Variants in SLC10A7 observed in about 807,000 individuals in gnomAD.
The protein encoded by SLC10A7 is solute carrier family 10 member 7.
Under a neutral mutation model 43.2 loss-of-function variants are expected in SLC10A7, and 29 were observed. The observed-to-expected ratio is 0.67, with a 90% confidence interval of 0.50 to 0.92. The LOEUF is 0.92. SLC10A7 is among the 40% of genes least tolerant of loss of function. The probability of loss-of-function intolerance (pLI) is 0.00; values close to 1 mark genes in which losing one functional copy is unlikely to be tolerated. For synonymous variants in SLC10A7, 152 were observed against 144.8 expected (o/e 1.05, Z -0.35); for missense variants, 295 against 403.2 (o/e 0.73, Z 2.30).
At chr4:146,299,614 A>G (rs1371089980) in intron 7 of SLC10A7, among the ~76,000 whole-genome samples, 1 of 152,140 alleles carries the variant, frequency 6.6e-6, no homozygotes, top group African/African-American at 2.4e-5. Flanking sequence ...CATGTTTGAG[A>G]AACAGAAGCA....
chr4:146,519,737 T>C (rs1284340481), intron 1 of SLC10A7, among the ~76,000 whole-genome samples: 2 of 152,190 alleles, frequency 1.3e-5, no homozygotes, highest in African/African-American at 2.4e-5. Flanking sequence ...TGGTCTCCAA[T>C]AGTTCCTCTT....
At chr4:146,410,551 A>T (rs1430406385) in intron 5 of SLC10A7, among the ~76,000 whole-genome samples, 2 of 152,148 alleles carry the variant, frequency 1.3e-5, no homozygotes, top group Admixed American at 1.3e-4. Context: ...TATTATTATT[A>T]TCCTCATTTT....
chr4:146,284,401 C>T (rs1195375172), intron 9 of SLC10A7, among the ~76,000 whole-genome samples: 4 of 152,142 alleles, frequency 2.6e-5, no homozygotes, highest in Non-Finnish European at 4.4e-5. Flanking sequence ...GATCCCACAT[C>T]CTGTTTTTCT....
rs71640636 is a variant in SLC10A7, at chr4:146,326,917, GACACACACACACAC to G, written c.436-935_436-922del. 5.3e-3 allele frequency among the ~76,000 whole-genome samples: 775 copies of G among 147,516 alleles called. 11 individuals carry two copies. The highest frequency in any genetic ancestry group is 0.02 in the East Asian group (100 of 5,028). ...GCCTAAGACAGAAAAGAGAGGGACA[GACACACACACACAC>G]ACACACACACACACACACACACACA... On this transcript the variant is annotated intron_variant, in intron 5 of 11. Coordinates refer to ENST00000335472, the MANE Select transcript of SLC10A7 (RefSeq NM_001029998.6).
chr4:146,388,585 C>T (rs1738175413), intron 5 of SLC10A7, among the ~76,000 whole-genome samples: 1 of 151,900 alleles, frequency 6.6e-6, no homozygotes, highest in African/African-American at 2.4e-5. Context: ...AGTGAAACCC[C>T]ATCTCTAGTA....
At chr4:146,391,350 C>A (rs1408069702) in intron 5 of SLC10A7, among the ~76,000 whole-genome samples, 1 of 152,142 alleles carries the variant, frequency 6.6e-6, no homozygotes, top group Non-Finnish European at 1.5e-5. Context: ...ATCAATGTCT[C>A]TAAAAAGAGC....
chr4:146,413,766 T>G (rs1446157247), intron 5 of SLC10A7, among the ~76,000 whole-genome samples: 1 of 152,148 alleles, frequency 6.6e-6, no homozygotes, highest in Non-Finnish European at 1.5e-5. Flanking sequence ...GTTATTCAGA[T>G]TTGAGAGTCA....
chr4:146,375,094 T>C (rs908370646), intron 5 of SLC10A7, among the ~76,000 whole-genome samples: 1 of 151,926 alleles, frequency 6.6e-6, no homozygotes, highest in Non-Finnish European at 1.5e-5. Context: ...TAATCCTAGC[T>C]ACTCAGGAGG....
intron 5 of SLC10A7, among the ~76,000 whole-genome samples, chr4:146,360,913 C>G (rs892763271): frequency 4.6e-5 from 7 of 152,072 alleles, no homozygotes; most frequent in African/African-American, 1.7e-4. Context: ...AGGTCACCCC[C>G]CGGCTCACCT....
At chr4:146,497,217 C>CA (rs534706665) in intron 4 of SLC10A7, among the ~76,000 whole-genome samples, 1 of 152,198 alleles carries the variant, frequency 6.6e-6, no homozygotes, top group South Asian at 2.1e-4. Flanking sequence ...AACAAACAAT[C>CA]AAAAAACCAC....
At chr4:146,468,696 A>T (rs1278173303) in intron 4 of SLC10A7, among the ~76,000 whole-genome samples, 1 of 152,090 alleles carries the variant, frequency 6.6e-6, no homozygotes, top group Non-Finnish European at 1.5e-5. Flanking sequence ...TCCTGACCTC[A>T]GGTGATCTAC....
At chr4:146,277,973 A>C (rs1729313098) in intron 10 of SLC10A7, among the ~76,000 whole-genome samples, 1 of 152,182 alleles carries the variant, frequency 6.6e-6, no homozygotes, top group Admixed American at 6.6e-5. Flanking sequence ...CAGCAGTGTA[A>C]TCAGAAATAA....
chr4:146,403,841 G>C (rs1739385793), intron 5 of SLC10A7, among the ~76,000 whole-genome samples: 1 of 152,118 alleles, frequency 6.6e-6, no homozygotes, highest in Admixed American at 6.5e-5. Context: ...TAATATAGGA[G>C]TAAGAATAGC....
chr4:146,502,290 C>T (rs905891485), intron 4 of SLC10A7, among the ~76,000 whole-genome samples: 1 of 152,182 alleles, frequency 6.6e-6, no homozygotes, highest in Admixed American at 6.5e-5. Context: ...CTGGAACTCT[C>T]ATTCGCTACT....
At chr4:146,364,662 C>G (rs1019759577) in intron 5 of SLC10A7, among the ~76,000 whole-genome samples, 1 of 152,062 alleles carries the variant, frequency 6.6e-6, no homozygotes, top group Non-Finnish European at 1.5e-5. Flanking sequence ...GATTGGTTAA[C>G]AGGTGCAAAA....
chr4:146,324,504 A>G (rs1036379265), intron 6 of SLC10A7, among the ~76,000 whole-genome samples: 7 of 152,180 alleles, frequency 4.6e-5, no homozygotes, highest in African/African-American at 1.7e-4. Flanking sequence ...AATGAGTTAC[A>G]TGAGTAAGAG....
At chr4:146,285,303 G>C (rs909397970) in intron 9 of SLC10A7, among the ~76,000 whole-genome samples, 1 of 151,932 alleles carries the variant, frequency 6.6e-6, no homozygotes, top group Non-Finnish European at 1.5e-5. Context: ...GAAGCAGGGA[G>C]CTCTAAGGGT....
intron 5 of SLC10A7, among the ~76,000 whole-genome samples, chr4:146,367,215 C>G (rs1736456028): frequency 6.6e-6 from 1 of 152,040 alleles, no homozygotes; most frequent in Non-Finnish European, 1.5e-5. Context: ...AAAATTGTAA[C>G]TAAAACCCAG....
chr4:146,388,404 C>A (rs1738161092), intron 5 of SLC10A7, among the ~76,000 whole-genome samples: 1 of 152,124 alleles, frequency 6.6e-6, no homozygotes, highest in Admixed American at 6.5e-5. Flanking sequence ...TATCTCTCAC[C>A]ATTTACAAAA....
Sources: gnomAD v4.1 joint callset for allele counts (sites outside exome capture counted in the v4.1 genomes callset) on GRCh38, gnomAD v4.1.1 for gene constraint, MANE v1.5 for transcripts, NCBI Gene and HGNC (gene_info 2026-07-23, HGNC 2026-07-21) for gene names.